The following CREBBP variants were observed in gnomAD, a reference collection of about 807,000 sequenced individuals.
The protein encoded by CREBBP is CREB binding lysine acetyltransferase, also known as CREB-binding protein.
CREBBP carries 19 observed loss-of-function variants against 265.0 expected under a neutral mutation model. The ratio of observed to expected loss-of-function variants is 0.07; its 90% confidence interval spans 0.05 to 0.11. The LOEUF (loss-of-function observed/expected upper bound fraction) is 0.11, where lower values mean the gene tolerates loss of function less well. Ranked by LOEUF, CREBBP falls within the 10% of genes least tolerant of loss-of-function variation. CREBBP has a pLI of 1.00. For synonymous variants in CREBBP, 1,457 were observed against 1,223.7 expected (o/e 1.19, Z -3.98); for missense variants, 2,525 against 3,219.0 (o/e 0.78, Z 5.22).
chr16:3,729,081 C>T lies in CREBBP; in HGVS notation c.5966G>A (p.Gly1989Glu), dbSNP rs766749781. The change falls in exon 31 of 31, where the codon GGG becomes GAG. Residue 1989 changes from glycine (G) to glutamate (E), a missense_variant. By Grantham distance (98) the Gly-to-Glu change is moderately conservative. Around this residue, in one of 19 missense-constraint regions of CREBBP, gnomAD observed 275 missense variants for 276.5 expected, o/e 0.99. Transcript: ENST00000262367. ...NSMPPGRTGM[G>E]TPGSQMAPVS... ...GGGGGCCATCTGGCTCCCCGGGGTCCCCATGCCCGTGCGTCCTGGGGGCAT... is the reference window on the plus strand; with the variant it reads ...GGGGGCCATCTGGCTCCCCGGGGTCTCCATGCCCGTGCGTCCTGGGGGCAT... 6.3e-7 allele frequency: 1 copy of T among 1,585,242 alleles called. No individual in the cohort carries two copies.
intron 11 of CREBBP, among the ~76,000 whole-genome samples, chr16:3,776,764 G>A (rs2053148383): frequency 6.6e-6 from 1 of 151,994 alleles, no homozygotes; most frequent in East Asian, 1.9e-4. Flanking sequence ...TGTAATCCCA[G>A]CACTTTGGAA....
In CREBBP at chr16:3,833,108, T is replaced by C. The variant is rs148956807; in HGVS notation, c.798+17189A>G. On this transcript the variant is annotated intron_variant, in intron 2 of 30. Transcript: ENST00000262367. ...ATAAGACAAGGGAAGAACACTGTCATTGGTTTTATTAAACATTGTGCTGGC... is the reference window on the plus strand; with the variant it reads ...ATAAGACAAGGGAAGAACACTGTCACTGGTTTTATTAAACATTGTGCTGGC... Among the ~76,000 whole-genome samples the C allele has an allele frequency of 2.6e-3, 392 of 152,350 alleles. 1 individual carries two copies. The highest frequency in any genetic ancestry group is 8.8e-3 in the African/African-American group (366 of 41,584).
chr16:3,822,475 CAG>C (rs1036211094), intron 2 of CREBBP, among the ~76,000 whole-genome samples: 2 of 152,080 alleles, frequency 1.3e-5, no homozygotes, highest in African/African-American at 4.8e-5. Flanking sequence ...GGCAGGAAAA[CAG>C]AACTAATTCT....
intron 23 of CREBBP, chr16:3,743,206 G>A (rs943952314): frequency 6.6e-5 from 10 of 152,254 alleles, no homozygotes; most frequent in Non-Finnish European, 1.0e-4. Flanking sequence ...GCAGAGGCCA[G>A]GCATGCTGCT....
At chr16:3,755,624 T>C (rs2052568595) in intron 19 of CREBBP, among the ~76,000 whole-genome samples, 1 of 152,106 alleles carries the variant, frequency 6.6e-6, no homozygotes, top group African/African-American at 2.4e-5. Flanking sequence ...CTGAAGGTCA[T>C]GGGGCTAAAA....
chr16:3,763,084 C>T (rs1014335581), intron 16 of CREBBP, among the ~76,000 whole-genome samples: 9 of 151,964 alleles, frequency 5.9e-5, no homozygotes, highest in African/African-American at 1.7e-4. Flanking sequence ...ACCCTGGTCA[C>T]ATTTTAGGTG....
chr16:3,831,903 G>C (rs1275041056), intron 2 of CREBBP, among the ~76,000 whole-genome samples: 1 of 151,956 alleles, frequency 6.6e-6, no homozygotes, highest in African/African-American at 2.4e-5. Flanking sequence ...AGGCTGACGT[G>C]GGAGAACTGT....
In CREBBP at chr16:3,736,891, G is replaced by A. The variant is rs1464233585; in HGVS notation, c.4395-76C>T. ...CTGCCTTTAAGGAGTTATAGCAGAG[G>A]AGCAAGGACTAAAGCCAGGACAGAA... On this transcript the variant is annotated intron_variant, in intron 26 of 30. Coordinates refer to ENST00000262367, the MANE Select transcript of CREBBP (RefSeq NM_004380.3). The A allele has an allele frequency of 7.7e-6, 12 of 1,559,040 alleles. No homozygotes were observed. The Admixed American group carries it at 1.2e-4, about 15-fold the overall frequency.
intron 2 of CREBBP, among the ~76,000 whole-genome samples, chr16:3,841,614 C>G (rs917220841): frequency 1.3e-5 from 2 of 152,060 alleles, no homozygotes; most frequent in African/African-American, 4.8e-5. Context: ...GTACTCTAGC[C>G]TGGGTGACAG....
chr16:3,777,652 G>A lies in CREBBP; in HGVS notation c.2119C>T (p.Pro707Ser), dbSNP rs1254370568. 1.9e-6 allele frequency: 3 copies of A among 1,614,086 alleles called. No individual in the cohort carries two copies. Among genetic ancestry groups the A allele is most frequent in the South Asian group, 1.1e-5 (1 of 91,090 alleles). ...QAQPVRPPNG[P>S]LSLPVNRMQV... Reference sequence around the variant, plus strand: ...ATGCGATTCACTGGCAGGGACAGGGGTCCATCTATGGTGGCAAAACAAAAA... The same window carrying A: ...ATGCGATTCACTGGCAGGGACAGGGATCCATCTATGGTGGCAAAACAAAAA... Residue 707 changes from proline to serine, a missense_variant, in exon 11 of 31, where the codon CCC (proline) becomes TCC (serine). Physicochemically the swap from Pro to Ser is moderately conservative, Grantham distance 74 (BLOSUM62 -1). Transcript: ENST00000262367.
At chr16:3,879,484 G>T (rs1320926151) in intron 1 of CREBBP, among the ~76,000 whole-genome samples, 1 of 152,190 alleles carries the variant, frequency 6.6e-6, no homozygotes, top group African/African-American at 2.4e-5. Flanking sequence ...TCCTCTGGAC[G>T]GCCACGCGTG....
At chr16:3,749,978 G>A (rs1421340740) in intron 20 of CREBBP, among the ~76,000 whole-genome samples, 1 of 152,116 alleles carries the variant, frequency 6.6e-6, no homozygotes, top group Admixed American at 6.6e-5. Context: ...ATGGCTCACT[G>A]CAGCCTTAAC....
chr16:3,821,483 T>C (rs908709449), intron 2 of CREBBP, among the ~76,000 whole-genome samples: 2 of 152,202 alleles, frequency 1.3e-5, no homozygotes, highest in African/African-American at 4.8e-5. Context: ...TGGACACCAC[T>C]TCCCAGAGTA....
intron 5 of CREBBP, among the ~76,000 whole-genome samples, chr16:3,789,081 A>C (rs2053450855): frequency 6.6e-6 from 1 of 152,216 alleles, no homozygotes; most frequent in African/African-American, 2.4e-5. Context: ...TAGAGACATT[A>C]ATCACAGAAG....
rs140355123 is a variant in CREBBP, at chr16:3,754,205, G to C, written c.3699-2399C>G. On this transcript the variant is annotated intron_variant, in intron 19 of 30. Transcript: ENST00000262367. ...ATTTAGCCTGTTCGTGTTTAAGAAG[G>C]GGAGGAAGAGGGGCCCGTGGCTTCA... Among the ~76,000 whole-genome samples, 5 of 152,310 alleles carry C rather than the reference G, an allele frequency of 3.3e-5. No individual in the cohort carries two copies. In the East Asian group the frequency reaches 9.6e-4, roughly 29 times the overall value.
chr16:3,879,960 C>T lies in CREBBP; in HGVS notation c.-44G>A, dbSNP rs763989269. The T allele has an allele frequency of 6.2e-5, 97 of 1,569,638 alleles. No homozygotes were observed. The highest frequency in any genetic ancestry group is 8.1e-5 in the Non-Finnish European group (93 of 1,153,790). On this transcript the variant is annotated 5_prime_UTR_variant, in exon 1 of 31. Coordinates refer to ENST00000262367, the MANE Select transcript of CREBBP (RefSeq NM_004380.3). ...ACAGCCCCGGGCACGGGCGGCCGGGCCGGCGAGGGCCCGGACGGGGGTCGG... is the reference window on the plus strand; with the variant it reads ...ACAGCCCCGGGCACGGGCGGCCGGGTCGGCGAGGGCCCGGACGGGGGTCGG...
intron 2 of CREBBP, among the ~76,000 whole-genome samples, chr16:3,815,643 TA>T (rs1231198830): frequency 6.6e-6 from 1 of 151,716 alleles, no homozygotes; most frequent in African/African-American, 2.4e-5. Context: ...TATAATCTTT[TA>T]AAAAGTTTTT....
chr16:3,849,489 G>GTGTGTGTGTGTGTGTGTGTGTGT, intron 2 of CREBBP, among the ~76,000 whole-genome samples: 1 of 115,080 alleles, frequency 8.7e-6, no homozygotes, highest in East Asian at 2.8e-4. Context: ...GTGTGTGTGT[G>GTGTGTGTGTGTGTGTGTGTGTGT]ATGTGCGTGA....
intron 2 of CREBBP, among the ~76,000 whole-genome samples, chr16:3,821,583 G>C (rs1382381393): frequency 6.6e-6 from 1 of 152,110 alleles, no homozygotes; most frequent in African/African-American, 2.4e-5. Context: ...ATTCTTTTAA[G>C]TCCTAATATT....
Sources: allele counts gnomAD v4.1 joint callset (sites outside exome capture counted in the v4.1 genomes callset), GRCh38; gene constraint gnomAD v4.1.1; regional missense constraint gnomAD v4.1.1; transcripts MANE v1.5; gene names NCBI Gene and HGNC (gene_info 2026-07-23, HGNC 2026-07-21).